The following SDCCAG8 variants were observed in gnomAD, a reference collection of about 807,000 sequenced individuals.
SDCCAG8 encodes serologically defined colon cancer antigen 8.
Under a neutral mutation model 101.8 loss-of-function variants are expected in SDCCAG8, and 74 were observed. The ratio of observed to expected loss-of-function variants is 0.73; its 90% CI spans 0.60 to 0.88. SDCCAG8 has a LOEUF of 0.88. Ranked by LOEUF, SDCCAG8 falls within the 40% of genes least tolerant of loss-of-function variation. The probability of loss-of-function intolerance (pLI) is 0.00; values close to 1 mark genes in which losing one functional copy is unlikely to be tolerated. For synonymous variants in SDCCAG8, 281 were observed against 292.9 expected (o/e 0.96, Z 0.41); for missense variants, 787 against 822.6 (o/e 0.96, Z 0.53).
At chr1:243,466,563 A>G (rs1355296488) in intron 16 of SDCCAG8, among the ~76,000 whole-genome samples, 3 of 152,228 alleles carry the variant, frequency 2.0e-5, no homozygotes, top group Non-Finnish European at 4.4e-5. Context: ...CCTGTGTCAC[A>G]GTCTTCTCTC....
At chr1:243,320,186 A>C (rs1160175046) in intron 9 of SDCCAG8, among the ~76,000 whole-genome samples, 1 of 152,194 alleles carries the variant, frequency 6.6e-6, no homozygotes, top group African/African-American at 2.4e-5. Flanking sequence ...CCAGTCACTA[A>C]GTACAGATCT....
intron 16 of SDCCAG8, among the ~76,000 whole-genome samples, chr1:243,480,338 A>G (rs1214173947): frequency 1.2e-4 from 11 of 91,024 alleles, no homozygotes; most frequent in East Asian, 3.9e-4. Context: ...GGATGGATGG[A>G]TAGGTGGGAT....
intron 16 of SDCCAG8, among the ~76,000 whole-genome samples, chr1:243,478,769 CAA>C (rs1204532658): frequency 6.6e-6 from 1 of 151,942 alleles, no homozygotes; most frequent in African/African-American, 2.4e-5. Flanking sequence ...CCATCCTGGC[CAA>C]CGTGGTTAAA....
At chr1:243,332,452 A>G (rs2074674920) in intron 10 of SDCCAG8, among the ~76,000 whole-genome samples, 1 of 151,196 alleles carries the variant, frequency 6.6e-6, no homozygotes, top group Non-Finnish European at 1.5e-5. Flanking sequence ...CTCACAGTCC[A>G]GGTCTGGAGG....
intron 16 of SDCCAG8, among the ~76,000 whole-genome samples, chr1:243,482,671 A>G (rs1663983677): frequency 6.6e-6 from 1 of 152,148 alleles, no homozygotes; most frequent in Non-Finnish European, 1.5e-5. Flanking sequence ...CGCGGACCCT[A>G]CGCTGTGCTG....
intron 16 of SDCCAG8, among the ~76,000 whole-genome samples, chr1:243,460,338 G>C (rs963520393): frequency 6.6e-6 from 1 of 152,036 alleles, no homozygotes; most frequent in Non-Finnish European, 1.5e-5. Flanking sequence ...CTTTCTCTAG[G>C]AGGATCTCCG....
chr1:243,274,749 T>A, intron 4 of SDCCAG8, 93 bp downstream of exon 4: 1 of 746,958 alleles, frequency 1.3e-6, no homozygotes, highest in South Asian at 1.5e-5. Context: ...ATCTTCATGT[T>A]TGTAGCAATA....
chr1:243,495,807 T>G (rs1667709859), intron 17 of SDCCAG8, among the ~76,000 whole-genome samples: 1 of 152,190 alleles, frequency 6.6e-6, no homozygotes, highest in Non-Finnish European at 1.5e-5. Flanking sequence ...CGTGGCTTAT[T>G]TCATCCAGGT....
intron 12 of SDCCAG8, among the ~76,000 whole-genome samples, chr1:243,359,985 T>C (rs75310186): frequency 0.02 from 3,034 of 152,230 alleles, 108 homozygotes; most frequent in African/African-American, 0.067. Flanking sequence ...TATATAATGG[T>C]ATCTCATTGT....
chr1:243,356,934 G>A (rs1423227643), intron 12 of SDCCAG8, among the ~76,000 whole-genome samples: 3 of 152,142 alleles, frequency 2.0e-5, no homozygotes, highest in Non-Finnish European at 2.9e-5. Flanking sequence ...GAAGGTCAAG[G>A]CTGCAATAAA....
chr1:243,434,969 T>C (rs1419126012), intron 16 of SDCCAG8, among the ~76,000 whole-genome samples: 2 of 152,188 alleles, frequency 1.3e-5, no homozygotes, highest in Admixed American at 1.3e-4. Context: ...AAAGAAATGA[T>C]GTTACACTTT....
In SDCCAG8 at chr1:243,317,319, ATT is replaced by A. The variant is rs34669151; in HGVS notation, c.1068+444_1068+445del. ...CAATAATATATACATATTTAGTAGC[ATT>A]TTTTTTTTTTTTTTTTTGAGACAGA... is the stretch of plus-strand genomic sequence containing the variant. On this transcript the variant is annotated intron_variant, in intron 9 of 17. Coordinates refer to ENST00000366541, the MANE Select transcript of SDCCAG8 (RefSeq NM_006642.5). Among the ~76,000 whole-genome samples, 197 of 133,528 alleles carry A rather than the reference ATT, an allele frequency of 1.5e-3. 1 individual carries two copies. The highest frequency in any genetic ancestry group is 0.013 in the East Asian group (62 of 4,650). The allele number at this position is 133,528 out of a possible 152,430, so 87.6% of individuals were successfully genotyped here.
At chr1:243,290,045 T>C (rs930075328) in intron 5 of SDCCAG8, among the ~76,000 whole-genome samples, 1 of 152,136 alleles carries the variant, frequency 6.6e-6, no homozygotes, top group Non-Finnish European at 1.5e-5. Flanking sequence ...AAAGCTTTTC[T>C]CTAGAGTTCA....
At chr1:243,259,760 G>T (rs981366764) in intron 1 of SDCCAG8, among the ~76,000 whole-genome samples, 1 of 151,150 alleles carries the variant, frequency 6.6e-6, no homozygotes. Flanking sequence ...CGCAGGTTGC[G>T]GTGGGCGGAG....
intron 16 of SDCCAG8, among the ~76,000 whole-genome samples, chr1:243,451,559 T>G (rs1375353682): frequency 6.6e-6 from 1 of 152,192 alleles, no homozygotes; most frequent in African/African-American, 2.4e-5. Flanking sequence ...AATGGACATA[T>G]TCAGAGTAGC....
intron 12 of SDCCAG8, among the ~76,000 whole-genome samples, chr1:243,344,699 T>C (rs1026205127): frequency 6.6e-6 from 1 of 152,182 alleles, no homozygotes; most frequent in Non-Finnish European, 1.5e-5. Context: ...ATGAAAAAGT[T>C]TAAAATTCGT....
intron 13 of SDCCAG8, among the ~76,000 whole-genome samples, chr1:243,408,610 C>T (rs1485010587): frequency 3.9e-5 from 6 of 152,150 alleles, no homozygotes; most frequent in African/African-American, 1.4e-4. Context: ...AACCTTCTCT[C>T]ATTTCTCTAC....
intron 16 of SDCCAG8, among the ~76,000 whole-genome samples, chr1:243,430,081 G>A (rs1205330925): frequency 6.6e-5 from 10 of 151,972 alleles, no homozygotes; most frequent in African/African-American, 1.2e-4. Context: ...CCATCCTCCC[G>A]CCTCGGCCTT....
intron 8 of SDCCAG8, among the ~76,000 whole-genome samples, chr1:243,314,446 T>C (rs1175721761): frequency 1.3e-5 from 2 of 152,248 alleles, no homozygotes; most frequent in Non-Finnish European, 2.9e-5. Flanking sequence ...GTTTTCAGTT[T>C]AGATCATGAA....
Sources: gnomAD v4.1 joint callset for allele counts (sites outside exome capture counted in the v4.1 genomes callset) on GRCh38, gnomAD v4.1.1 for gene constraint, MANE v1.5 for transcripts, NCBI Gene and HGNC (gene_info 2026-07-23, HGNC 2026-07-21) for gene names.